DOCK8: variants seen among roughly 807,000 people sequenced by gnomAD.
DOCK8 encodes the protein dedicator of cytokinesis protein 8.
DOCK8 carries 141 observed loss-of-function variants against 245.6 expected under a neutral mutation model. The ratio of observed to expected loss-of-function variants is 0.57; its 90% CI spans 0.50 to 0.66. The LOEUF is 0.66. Ranked by LOEUF, DOCK8 falls within the 30% of genes least tolerant of loss-of-function variation. The pLI, the probability that DOCK8 is intolerant of heterozygous loss-of-function variation, is 0.00. For synonymous variants in DOCK8, 1,168 were observed against 970.2 expected (o/e 1.20, Z -3.79); for missense variants, 2,965 against 2,603.4 (o/e 1.14, Z -3.02).
At chr9:282,104 C>G (rs945586408) in intron 2 of DOCK8, among the ~76,000 whole-genome samples, 13 of 152,294 alleles carry the variant, frequency 8.5e-5, no homozygotes, top group African/African-American at 3.1e-4. Context: ...TATCAAATTC[C>G]CCCCACCAAA....
intron 1 of DOCK8, among the ~76,000 whole-genome samples, chr9:269,838 G>A (rs932553351): frequency 3.9e-5 from 6 of 152,152 alleles, no homozygotes; most frequent in African/African-American, 7.2e-5. Context: ...GATTACAGGT[G>A]TGAGCCACCA....
chr9:432,133 A>C (rs1220337421), intron 36 of DOCK8, 33 bp from the exon 37 acceptor site: 5 of 1,567,402 alleles, frequency 3.2e-6, no homozygotes, highest in Non-Finnish European at 4.3e-6. Context: ...TGTCTTATTT[A>C]CTTCATCTTT....
At chr9:224,276 C>G (rs1171301964) in intron 1 of DOCK8, among the ~76,000 whole-genome samples, 1 of 152,096 alleles carries the variant, frequency 6.6e-6, no homozygotes, top group East Asian at 1.9e-4. Context: ...TTTTTCTCCC[C>G]CGATGAATAT....
At chr9:453,192 T>C (rs1281771735) in intron 46 of DOCK8, among the ~76,000 whole-genome samples, 3 of 152,254 alleles carry the variant, frequency 2.0e-5, no homozygotes, top group Admixed American at 6.5e-5. Context: ...AGACACACTG[T>C]GCCCTGCAGT....
chr9:441,878 C>T lies in DOCK8; in HGVS notation c.5359C>T (p.His1787Tyr), dbSNP rs947360582. 2 of 1,614,108 alleles carry T rather than the reference C, an allele frequency of 1.2e-6. No homozygotes were observed. The highest frequency in any genetic ancestry group is 1.7e-6 in the Non-Finnish European group (2 of 1,180,030). Residue 1787 changes from histidine to tyrosine, a missense_variant, in exon 42 of 48, where the codon CAT (histidine) becomes TAT (tyrosine). By Grantham distance (83) the His-to-Tyr change is moderately conservative. Around this residue, in one of 3 missense-constraint regions of DOCK8, gnomAD observed 2,825 missense variants for 2,453.5 expected, o/e 1.15. Coordinates refer to ENST00000432829, the MANE Select transcript of DOCK8 (RefSeq NM_203447.4). ...CTTTTTATATTTTGTTCCTCAGGAT[C>T]ATAAGAGAATGTTTGGAACCTACTT... ...RAFDSIVNKDHKRMFGTYFRV... is the reference protein window; with the variant it reads ...RAFDSIVNKDYKRMFGTYFRV...
At chr9:329,373 G>A (rs922993783) in intron 9 of DOCK8, among the ~76,000 whole-genome samples, 4 of 151,976 alleles carry the variant, frequency 2.6e-5, no homozygotes, top group Non-Finnish European at 4.4e-5. Flanking sequence ...CTCAGTGATC[G>A]CCCCATGATC....
intron 1 of DOCK8, among the ~76,000 whole-genome samples, chr9:217,239 A>G (rs1282069653): frequency 3.3e-5 from 5 of 152,200 alleles, no homozygotes; most frequent in Non-Finnish European, 5.9e-5. Context: ...TAACATTACA[A>G]TCAGCTTCAC....
chr9:297,549 G>A (rs2049315982), intron 4 of DOCK8, among the ~76,000 whole-genome samples: 1 of 152,126 alleles, frequency 6.6e-6, no homozygotes, highest in Non-Finnish European at 1.5e-5. Context: ...GCATCTAGGT[G>A]CAACAGGAAC....
At chr9:409,755 C>G (rs764657418) in intron 28 of DOCK8, among the ~76,000 whole-genome samples, 59 of 151,920 alleles carry the variant, frequency 3.9e-4, no homozygotes, top group Non-Finnish European at 7.6e-4. Flanking sequence ...TGACAGTCCC[C>G]GGTGTGTGAT....
At chr9:261,156 G>A (rs761559024) in intron 1 of DOCK8, among the ~76,000 whole-genome samples, 1 of 151,870 alleles carries the variant, frequency 6.6e-6, no homozygotes, top group Non-Finnish European at 1.5e-5. Context: ...TGGCAGACAG[G>A]AGTAGGAGGG....
chr9:262,978 G>C (rs1031116685), intron 1 of DOCK8, among the ~76,000 whole-genome samples: 1 of 152,114 alleles, frequency 6.6e-6, no homozygotes, highest in Non-Finnish European at 1.5e-5. Flanking sequence ...AGGCCGAGGC[G>C]GGTGGATCAC....
intron 4 of DOCK8, among the ~76,000 whole-genome samples, chr9:294,537 C>T (rs1251149561): frequency 6.6e-6 from 1 of 152,196 alleles, no homozygotes; most frequent in Non-Finnish European, 1.5e-5. Flanking sequence ...TTTCCTATCA[C>T]CAAGTTTCCT....
Position 328,057 on chromosome 9 carries a change from C to G in DOCK8, c.930C>G (p.Asp310Glu), listed in dbSNP as rs770327895. Reference protein sequence around the residue: ...SENFHCDLNSDQFKGFLRAHT... With the variant: ...SENFHCDLNSEQFKGFLRAHT... The stretch of plus-strand genomic sequence containing the variant: ...ATTTTCACTGTGACCTGAACTCTGA[C>G]CAGTTCAAAGGATTTCTGCGAGCTC... Residue 310 changes from aspartate (D) to glutamate (E), a missense_variant, in exon 9 of 48, where the codon GAC (aspartate) becomes GAG (glutamate). By Grantham distance (45) the Asp-to-Glu change is conservative. This residue lies in a region of DOCK8 where 2,825 missense variants were observed against 2,453.5 expected (regional missense o/e 1.15). Coordinates refer to ENST00000432829, the MANE Select transcript of DOCK8 (RefSeq NM_203447.4). The G allele has an allele frequency of 3.1e-6, 5 of 1,614,010 alleles. No individual in the cohort carries two copies. The highest frequency in any genetic ancestry group is 1.7e-5 in the Admixed American group (1 of 59,998).
chr9:401,095 C>A lies in DOCK8; in HGVS notation c.3234+1836C>A, dbSNP rs1156604909. 2.8e-3 allele frequency among the ~76,000 whole-genome samples: 398 copies of A among 143,194 alleles called. 2 individuals are homozygous for A. Among genetic ancestry groups the A allele is most frequent in the African/African-American group, 0.012 (385 of 33,378 alleles). The allele number at this position is 143,194 out of a possible 152,430, so 93.9% of individuals were successfully genotyped here. A position where few individuals can be genotyped will look rare whatever the true frequency, so the allele number is the denominator to read the frequency against. On this transcript the variant is annotated intron_variant, in intron 26 of 47. Transcript: ENST00000432829. ...TCATCACCACCACCACCTCCACCACCATCACCACCTCTCCCATCACCACCA... is the reference window on the plus strand; with the variant it reads ...TCATCACCACCACCACCTCCACCACAATCACCACCTCTCCCATCACCACCA...
intron 40 of DOCK8, among the ~76,000 whole-genome samples, chr9:439,908 C>G (rs1291882250): frequency 1.3e-5 from 2 of 152,198 alleles, no homozygotes; most frequent in Non-Finnish European, 2.9e-5. Flanking sequence ...ACCACTGAGA[C>G]TCCTCTGGTT....
intron 18 of DOCK8, among the ~76,000 whole-genome samples, chr9:374,822 C>T (rs1184080011): frequency 4.6e-5 from 7 of 151,868 alleles, no homozygotes; most frequent in East Asian, 1.9e-4. Context: ...ATATAGCTCA[C>T]GTTATATTTC....
intron 40 of DOCK8, among the ~76,000 whole-genome samples, chr9:439,665 A>C (rs1396052730): frequency 1.3e-5 from 2 of 152,130 alleles, no homozygotes; most frequent in Admixed American, 6.5e-5. Flanking sequence ...ATTTCTATTT[A>C]ATAGGGGTGG....
intron 29 of DOCK8, 79 bp from the exon 30 acceptor site, chr9:417,989 G>C (rs1312996006): frequency 6.4e-7 from 1 of 1,570,320 alleles, no homozygotes; most frequent in African/African-American, 1.3e-5. Flanking sequence ...TGACTGAGAA[G>C]TATCAGTCTC....
chr9:299,923 G>A (rs2049454507), intron 4 of DOCK8, among the ~76,000 whole-genome samples: 1 of 151,746 alleles, frequency 6.6e-6, no homozygotes, highest in Non-Finnish European at 1.5e-5. Flanking sequence ...TCAGGAGACT[G>A]AGGCAGGAGA....
Sources: gnomAD v4.1 joint callset for allele counts (sites outside exome capture counted in the v4.1 genomes callset) on GRCh38, gnomAD v4.1.1 for gene constraint, gnomAD v4.1.1 regional missense constraint, MANE v1.5 for transcripts, NCBI Gene and HGNC (gene_info 2026-07-23, HGNC 2026-07-21) for gene names.